Variants in DOCK3 observed in about 807,000 individuals in gnomAD.
The protein encoded by DOCK3 is dedicator of cytokinesis 3.
Under a neutral mutation model 265.6 loss-of-function variants are expected in DOCK3, and 60 were observed. That is an observed-to-expected ratio of 0.23 (90% confidence interval 0.18 to 0.28). The LOEUF (loss-of-function observed/expected upper bound fraction) is 0.28, where lower values mean the gene tolerates loss of function less well. Ranked by LOEUF, DOCK3 falls within the 10% of genes least tolerant of loss-of-function variation. DOCK3 has a pLI of 1.00. For synonymous variants in DOCK3, 881 were observed against 938.0 expected (o/e 0.94, Z 1.11); for missense variants, 1,981 against 2,594.3 (o/e 0.76, Z 5.14).
Position 50,704,486 on chromosome 3 carries a change from C to T in DOCK3, c.37+29186C>T, listed in dbSNP as rs924455003. On this transcript the variant is annotated intron_variant, in intron 1 of 52. Coordinates refer to ENST00000266037, the MANE Select transcript of DOCK3 (RefSeq NM_004947.5). ...ATTTTATTTATGGTTGTTATAGTCTCATTATATAAGTATAAAGTAACCATA... is the reference window on the plus strand; with the variant it reads ...ATTTTATTTATGGTTGTTATAGTCTTATTATATAAGTATAAAGTAACCATA... 8.5e-5 allele frequency among the ~76,000 whole-genome samples: 13 copies of T among 152,118 alleles called. 3 individuals are homozygous for T.
chr3:51,329,649 G>C (rs1249013242), intron 32 of DOCK3, among the ~76,000 whole-genome samples: 1 of 152,150 alleles, frequency 6.6e-6, no homozygotes, highest in African/African-American at 2.4e-5. Context: ...TTGGCTGGAG[G>C]AAACACTCAA....
chr3:50,753,167 G>C (rs1338209454), intron 1 of DOCK3, among the ~76,000 whole-genome samples: 2 of 152,134 alleles, frequency 1.3e-5, no homozygotes, highest in African/African-American at 2.4e-5. Context: ...GAGAAGAATA[G>C]AATCTTTTTT....
intron 4 of DOCK3, among the ~76,000 whole-genome samples, chr3:50,928,062 C>T (rs1048781482): frequency 7.3e-5 from 11 of 151,278 alleles, no homozygotes; most frequent in Admixed American, 5.9e-4. Flanking sequence ...TTCTTTCTAA[C>T]ATGTATCCTC....
chr3:51,136,352 G>A lies in DOCK3; in HGVS notation c.747-10197G>A, dbSNP rs531809856. Among the ~76,000 whole-genome samples, 33 of 151,914 alleles carry A rather than the reference G, an allele frequency of 2.2e-4. 1 individual carries two copies. The South Asian group carries it at 3.1e-3, about 14-fold the overall frequency. ...CGCCATTCTCCTGCCTCAGCCTCCT[G>A]AGTAGTTGGGACTATAGGCACCCAC... On this transcript the variant is annotated intron_variant, in intron 9 of 52. Coordinates refer to ENST00000266037, the MANE Select transcript of DOCK3 (RefSeq NM_004947.5).
intron 27 of DOCK3, among the ~76,000 whole-genome samples, chr3:51,290,474 G>T (rs1033589764): frequency 1.3e-5 from 2 of 151,968 alleles, no homozygotes; most frequent in African/African-American, 4.8e-5. Flanking sequence ...TCATAGGTGG[G>T]AATTGAACAA....
chr3:50,887,320 T>A (rs1041155944), intron 3 of DOCK3, among the ~76,000 whole-genome samples: 1 of 148,068 alleles, frequency 6.8e-6, no homozygotes, highest in Non-Finnish European at 1.5e-5. Context: ...CAGGAAGAAG[T>A]CGAATCCCTG....
intron 5 of DOCK3, among the ~76,000 whole-genome samples, chr3:51,060,023 T>C (rs187717558): frequency 8.5e-5 from 13 of 152,284 alleles, no homozygotes; most frequent in Admixed American, 7.2e-4. Flanking sequence ...TTTTAGTTAC[T>C]GCAGATTCTT....
At chr3:51,234,966 G>C (rs887695845) in intron 19 of DOCK3, among the ~76,000 whole-genome samples, 1 of 152,200 alleles carries the variant, frequency 6.6e-6, no homozygotes. Flanking sequence ...ATGGAATGTA[G>C]GCTAGAGATT....
At chr3:51,292,676 G>A (rs1481524438) in intron 27 of DOCK3, among the ~76,000 whole-genome samples, 4 of 152,070 alleles carry the variant, frequency 2.6e-5, no homozygotes, top group Non-Finnish European at 5.9e-5. Flanking sequence ...ATACTTAGGG[G>A]TTAAAAAATT....
At chr3:50,913,824 G>A (rs1045778035) in intron 4 of DOCK3, among the ~76,000 whole-genome samples, 6 of 152,100 alleles carry the variant, frequency 3.9e-5, no homozygotes, top group Admixed American at 2.6e-4. Flanking sequence ...TTGGGAAGGA[G>A]TGGTATTGGC....
intron 27 of DOCK3, among the ~76,000 whole-genome samples, chr3:51,286,856 A>G (rs999815856): frequency 6.6e-6 from 1 of 152,226 alleles, no homozygotes; most frequent in Non-Finnish European, 1.5e-5. Context: ...CTAAAATTAT[A>G]AAAACTCTGG....
chr3:50,824,897 A>G (rs767524904), intron 2 of DOCK3, among the ~76,000 whole-genome samples: 2 of 152,202 alleles, frequency 1.3e-5, no homozygotes, highest in African/African-American at 2.4e-5. Flanking sequence ...AAAAAAGAAC[A>G]TGTATCTTTG....
At chr3:51,340,231 C>A (rs190522796) in intron 37 of DOCK3, among the ~76,000 whole-genome samples, 1 of 152,280 alleles carries the variant, frequency 6.6e-6, no homozygotes, top group Admixed American at 6.5e-5. Flanking sequence ...TAAGCCTTGT[C>A]TCTGATGGCT....
At chr3:51,051,515 T>G (rs1056968887) in intron 5 of DOCK3, among the ~76,000 whole-genome samples, 1 of 152,284 alleles carries the variant, frequency 6.6e-6, no homozygotes, top group East Asian at 1.9e-4. Flanking sequence ...TAATCCTTGG[T>G]AGTTGACCAT....
intron 5 of DOCK3, among the ~76,000 whole-genome samples, chr3:51,053,426 A>ATT (rs563130234): frequency 5.4e-4 from 72 of 132,460 alleles, no homozygotes; most frequent in African/African-American, 1.6e-3. Flanking sequence ...TTGTATCACT[A>ATT]TTTTTTTTTT....
chr3:50,901,339 G>A (rs1221220394), intron 4 of DOCK3, among the ~76,000 whole-genome samples: 1 of 152,118 alleles, frequency 6.6e-6, no homozygotes, highest in Non-Finnish European at 1.5e-5. Context: ...AAGCTCGAGT[G>A]TCCCAGGTCA....
intron 36 of DOCK3, 94 bp downstream of exon 36, chr3:51,338,513 C>T: frequency 2.1e-6 from 3 of 1,409,398 alleles, no homozygotes; most frequent in Non-Finnish European, 2.9e-6. Context: ...TACATGGCTG[C>T]AGGCCTAAGG....
At chr3:51,176,506 G>C (rs2086963193) in intron 12 of DOCK3, among the ~76,000 whole-genome samples, 1 of 152,046 alleles carries the variant, frequency 6.6e-6, no homozygotes, top group Admixed American at 6.6e-5. Flanking sequence ...GGTGCCTGTA[G>C]TCCCAGCTAC....
At chr3:51,338,692 C>T (rs2085029567) in intron 36 of DOCK3, among the ~76,000 whole-genome samples, 1 of 152,192 alleles carries the variant, frequency 6.6e-6, no homozygotes, top group Non-Finnish European at 1.5e-5. Context: ...ACAGTCAACC[C>T]TGACTCCTGA....
Sources: gnomAD v4.1 joint callset for allele counts (sites outside exome capture counted in the v4.1 genomes callset) on GRCh38, gnomAD v4.1.1 for gene constraint, MANE v1.5 for transcripts, NCBI Gene and HGNC (gene_info 2026-07-23, HGNC 2026-07-21) for gene names.